The following MGAM2 variants were observed in gnomAD, a reference collection of about 807,000 sequenced individuals.
The protein encoded by MGAM2 is maltase-glucoamylase 2 (putative), also known as probable maltase-glucoamylase 2.
MGAM2 carries 98 observed loss-of-function variants against 96.1 expected under a neutral mutation model. The ratio of observed to expected loss-of-function variants is 1.02; its 90% CI spans 0.87 to 1.21. The LOEUF is 1.21. Among genes scored for constraint, MGAM2 ranks in the 50% most tolerant of loss-of-function variants. The pLI, the probability that MGAM2 is intolerant of heterozygous loss-of-function variation, is 0.00. For missense variants in MGAM2, 2,055 were observed against 1,182.4 expected, an observed-to-expected ratio of 1.74 and a Z score of -10.82; for synonymous variants, 749 against 414.8, an observed-to-expected ratio of 1.81 and a Z score of -9.79.
intron 30 of MGAM2, 61 bp from the exon 31 acceptor site, chr7:142,173,168 A>G: frequency 1.4e-6 from 1 of 697,410 alleles, no homozygotes; most frequent in Non-Finnish European, 2.6e-6. Context: ...ATTCAAGTAT[A>G]AGTCAATCAC....
At chr7:142,161,811 G>A (rs1795895384) in intron 22 of MGAM2, 144 bp from the exon 23 acceptor site, 2 of 491,330 alleles carry the variant, frequency 4.1e-6, no homozygotes, top group Non-Finnish European at 7.1e-6. Context: ...GGAAATATTT[G>A]CAGAAGTTTG....
intron 46 of MGAM2, 120 bp from the exon 47 acceptor site, chr7:142,218,241 T>G (rs1403084173): frequency 2.1e-6 from 1 of 487,272 alleles, no homozygotes; most frequent in African/African-American, 2.0e-5. Context: ...TTTAAATACA[T>G]AAATAGAAAT....
intron 17 of MGAM2, among the ~76,000 whole-genome samples, chr7:142,157,100 C>T (rs531901241): frequency 6.6e-6 from 1 of 152,192 alleles, no homozygotes; most frequent in African/African-American, 2.4e-5. Flanking sequence ...GGAAACATTA[C>T]AGATAAAACT....
At chr7:142,142,534 T>G (rs1219450741) in intron 12 of MGAM2, among the ~76,000 whole-genome samples, 1 of 141,740 alleles carries the variant, frequency 7.1e-6, no homozygotes, top group Non-Finnish European at 1.5e-5. Flanking sequence ...GTTTTTTTTT[T>G]TTTTTTTTTT....
chr7:142,113,096 T>A (rs1817229489), intron 1 of MGAM2, among the ~76,000 whole-genome samples: 1 of 152,168 alleles, frequency 6.6e-6, no homozygotes, highest in Non-Finnish European at 1.5e-5. Flanking sequence ...TATACCTATA[T>A]AAAAATATTT....
Position 142,147,479 on chromosome 7 carries a change from G to A in MGAM2, c.1540G>A (p.Ala514Thr). The A allele has an allele frequency of 1.4e-6, 1 of 701,958 alleles. No individual in the cohort carries two copies. The highest frequency in any genetic ancestry group is 2.7e-5 in the East Asian group (1 of 37,270). 43.5% of individuals were successfully genotyped at this position (701,958 alleles called of 1,614,324 possible). Residue 514 changes from alanine to threonine, a missense_variant, in exon 15 of 48, where the codon GCA becomes ACA. Ala to Thr is a moderately conservative substitution (Grantham distance 58, BLOSUM62 0). Coordinates refer to ENST00000477922, the MANE Select transcript of MGAM2 (RefSeq NM_001293626.2). ...LPRVLDHLLFARTLCMDTEFH... is the reference protein window; with the variant it reads ...LPRVLDHLLFTRTLCMDTEFH... ...AGGAGTTCTGGATCACTTACTTTTT[G>A]CAAGAACTCTCTGCATGGACACGGA...
In MGAM2 at chr7:142,221,280, A is replaced by G. The variant is rs1483757801; in HGVS notation, c.6769A>G (p.Ile2257Val). The change falls in exon 48 of 48, where the codon ATA becomes GTA. Residue 2257 changes from isoleucine to valine, a missense_variant. By Grantham distance (29) the Ile-to-Val change is conservative. Transcript: ENST00000477922. ...TAATATAACTAGTAATAGTATTTCCATAACAACTACTTCTTTTGGTAATAG... is the reference window on the plus strand; with the variant it reads ...TAATATAACTAGTAATAGTATTTCCGTAACAACTACTTCTTTTGGTAATAG... Reference protein sequence around the residue: ...AGNITSNSISITTTSFGNSVP... With the variant: ...AGNITSNSISVTTTSFGNSVP... 2 of 683,052 alleles carry G rather than the reference A, an allele frequency of 2.9e-6. No homozygotes were observed. The highest frequency in any genetic ancestry group is 5.3e-6 in the Non-Finnish European group (2 of 374,514). The allele number at this position is 683,052 out of a possible 1,614,324, so 42.3% of individuals were successfully genotyped here.
At chr7:142,175,172 T>G (rs777178069) in intron 31 of MGAM2, among the ~76,000 whole-genome samples, 2 of 152,198 alleles carry the variant, frequency 1.3e-5, no homozygotes, top group Non-Finnish European at 2.9e-5. Context: ...GCTGTGGGTT[T>G]GTCATCTATG....
rs367826087 is a variant in MGAM2, at chr7:142,198,809, C to T, written c.5048+70C>T. On this transcript the variant is annotated intron_variant, in intron 44 of 47. Transcript: ENST00000477922. ...ATGAGGAAGCCTTACAGGAGGCTGT[C>T]CCACCTTCGCCAGGGATATGTGGAT... 1.1e-4 allele frequency: 71 copies of T among 648,026 alleles called. 1 individual carries two copies. In the South Asian group the frequency reaches 1.1e-3, roughly 10 times the overall value. The allele number at this position is 648,026 out of a possible 1,614,324, so 40.1% of individuals were successfully genotyped here.
In MGAM2 at chr7:142,170,239, A is replaced by G; in HGVS notation, c.3182+10A>G. The G allele has an allele frequency of 1.4e-6, 1 of 699,602 alleles. No individual in the cohort carries two copies. The highest frequency in any genetic ancestry group is 1.7e-5 in the African/African-American group (1 of 57,244). 43.3% of individuals were successfully genotyped at this position (699,602 alleles called of 1,614,324 possible). On this transcript the variant is annotated intron_variant, in intron 27 of 47. Coordinates refer to ENST00000477922, the MANE Select transcript of MGAM2 (RefSeq NM_001293626.2). ...ACTCCAGCACTGTGATGTAAGCACT[A>G]TTTATTTGATTCTAATTAGAGTAGT...
intron 30 of MGAM2, 112 bp downstream of exon 30, chr7:142,172,876 A>G (rs1796241177): frequency 3.5e-6 from 2 of 576,870 alleles, no homozygotes; most frequent in East Asian, 5.6e-5. Flanking sequence ...TGTCACTACT[A>G]GATTATTACT....
intron 41 of MGAM2, 39 bp from the exon 42 acceptor site, chr7:142,197,605 T>G (rs1797087393): frequency 2.8e-6 from 2 of 703,072 alleles, no homozygotes; most frequent in Middle Eastern, 2.3e-4. Context: ...GTAGCAGTCA[T>G]AAGAGGATAG....
At chr7:142,116,317 C>A (rs6951410) in intron 1 of MGAM2, among the ~76,000 whole-genome samples, 79,210 of 151,964 alleles carry the variant, frequency 0.52, 22,650 homozygotes, top group African/African-American at 0.77. Context: ...TGCTGTGAAC[C>A]TCCCAGCAAG....
chr7:142,134,705 A>G (rs530495181), intron 7 of MGAM2, among the ~76,000 whole-genome samples: 2 of 152,130 alleles, frequency 1.3e-5, no homozygotes, highest in East Asian at 3.9e-4. Flanking sequence ...ACTCACATTC[A>G]TATGAAAGTG....
At chr7:142,167,826 C>T (rs1235964293) in intron 26 of MGAM2, among the ~76,000 whole-genome samples, 1 of 152,200 alleles carries the variant, frequency 6.6e-6, no homozygotes, top group African/African-American at 2.4e-5. Flanking sequence ...CCTCCCTCTG[C>T]CTCCCAAAGT....
chr7:142,149,653 G>C (rs1252147065), intron 15 of MGAM2, among the ~76,000 whole-genome samples: 2 of 151,652 alleles, frequency 1.3e-5, no homozygotes, highest in Non-Finnish European at 2.9e-5. Context: ...CCATTCTCCT[G>C]CCTCAGCCTC....
In MGAM2 at chr7:142,172,711, T is replaced by C. The variant is rs1358575305; in HGVS notation, c.3508T>C (p.Phe1170Leu). Residue 1170 changes from phenylalanine to leucine, a missense_variant, in exon 30 of 48, where the codon TTC (phenylalanine) becomes CTC (leucine). Coordinates refer to ENST00000477922, the MANE Select transcript of MGAM2 (RefSeq NM_001293626.2). ...CCGCACCACAGGAGGGATTTTGGACTTCTACATTGTTTTGGGGCCAACCCC... is the reference window on the plus strand; with the variant it reads ...CCGCACCACAGGAGGGATTTTGGACCTCTACATTGTTTTGGGGCCAACCCC... The part of the protein sequence containing the change: ...TYRTTGGILD[F>L]YIVLGPTPEL... 5 of 704,670 alleles carry C rather than the reference T, an allele frequency of 7.1e-6. No individual in the cohort carries two copies. In the African/African-American group the frequency reaches 8.7e-5, roughly 12 times the overall value. 43.7% of individuals were successfully genotyped at this position (704,670 alleles called of 1,614,324 possible).
At position 142,222,245 on chromosome 7, in the gene MGAM2, G is replaced by A. The variant is rs1797955250; in HGVS notation, c.*186G>A. ...CGTCATTGCAGACATGTTTAGGAAG[G>A]TTTACAAACCTTATAGGTTTCACCA... On this transcript the variant is annotated 3_prime_UTR_variant, in exon 48 of 48. Coordinates refer to ENST00000477922, the MANE Select transcript of MGAM2 (RefSeq NM_001293626.2). 2.6e-6 allele frequency: 1 copy of A among 389,496 alleles called. No individual in the cohort carries two copies. The highest frequency in any genetic ancestry group is 2.1e-5 in the African/African-American group (1 of 48,426). 24.1% of individuals were successfully genotyped at this position (389,496 alleles called of 1,614,324 possible).
Position 142,220,352 on chromosome 7 carries a change from T to C in MGAM2, c.5841T>C (p.Ser1947=), listed in dbSNP as rs1300208363. ...VPITTTCFAT[S]TIGVTTNATV... ...TCACAACCACATGTTTTGCAACAAG[T>C]ACTATTGGTGTTACAACTAATGCTA... Residue 1947 remains serine, a synonymous_variant, in exon 48 of 48, where the codon AGT becomes AGC. Transcript: ENST00000477922. 4.3e-6 allele frequency: 3 copies of C among 702,662 alleles called. No individual in the cohort carries two copies. Among genetic ancestry groups the C allele is most frequent in the Non-Finnish European group, 2.6e-6 (1 of 384,908 alleles). The allele number at this position is 702,662 out of a possible 1,614,324, so 43.5% of individuals were successfully genotyped here. A position where few individuals can be genotyped will look rare whatever the true frequency, so the allele number is the denominator to read the frequency against.
Sources: allele counts gnomAD v4.1 joint callset (sites outside exome capture counted in the v4.1 genomes callset), GRCh38; gene constraint gnomAD v4.1.1; transcripts MANE v1.5; gene names NCBI Gene and HGNC (gene_info 2026-07-23, HGNC 2026-07-21).